The following NCS1 variants were observed in gnomAD, a reference collection of about 807,000 sequenced individuals.
NCS1 encodes the protein frequenin homolog.
In NCS1, 6 loss-of-function variants were observed where a neutral mutation model predicts 28.4. The observed-to-expected ratio is 0.21, with a 90% confidence interval of 0.12 to 0.42. NCS1 has a LOEUF of 0.42. NCS1 is among the 10% of genes least tolerant of loss of function. The pLI is 1.00. For synonymous variants in NCS1, 86 were observed against 99.3 expected (o/e 0.87, Z 0.79); for missense variants, 131 against 241.4 (o/e 0.54, Z 3.03).
rs916722868 is a variant in NCS1, at chr9:130,192,341, G to T, written c.65-8617G>T. On this transcript the variant is annotated intron_variant, in intron 1 of 7. Coordinates refer to ENST00000372398, the MANE Select transcript of NCS1 (RefSeq NM_014286.4). The surrounding 1 kb of genome is among the most constrained non-coding windows in gnomAD (Gnocchi z 4.8). ...GGCTGCCGCCCTTGTCCAAGGTCGA[G>T]GGTTAATGAGTCTGGGGCCCGGCCA... Among the ~76,000 whole-genome samples the T allele has an allele frequency of 1.4e-4, 21 of 152,142 alleles. No individual in the cohort carries two copies. Among genetic ancestry groups the T allele is most frequent in the African/African-American group, 4.1e-4 (17 of 41,428 alleles).
chr9:130,172,702 G>A lies in NCS1; in HGVS notation c.39G>A (p.Val13=). Reference sequence around the variant, plus strand: ...ACAGCAAGTTGAAGCCCGAAGTTGTGGAGGAGCTGACCAGGAAGACCTACT... The same window carrying A: ...ACAGCAAGTTGAAGCCCGAAGTTGTAGAGGAGCTGACCAGGAAGACCTACT... The part of the protein sequence containing the change: ...KSNSKLKPEV[V]EELTRKTYFT... Residue 13 remains valine (V), a synonymous_variant, in exon 1 of 8, where the codon GTG becomes GTA. Transcript: ENST00000372398. The A allele has an allele frequency of 6.6e-7, 1 of 1,519,608 alleles. No individual in the cohort carries two copies. The highest frequency in any genetic ancestry group is 8.9e-7 in the Non-Finnish European group (1 of 1,129,100). 94.1% of individuals were successfully genotyped at this position (1,519,608 alleles called of 1,614,324 possible). A position where few individuals can be genotyped will look rare whatever the true frequency, so the allele number is the denominator to read the frequency against.
intron 1 of NCS1, chr9:130,200,750 C>A: frequency 1.4e-6 from 2 of 1,400,818 alleles, no homozygotes; most frequent in Non-Finnish European, 2.0e-6. Flanking sequence ...AGGGGTGGGG[C>A]CAGTGTCCCC....
At position 130,172,881 on chromosome 9, in the gene NCS1, C is replaced by A. The variant is rs578035720; in HGVS notation, c.64+154C>A. Among the ~76,000 whole-genome samples the A allele has an allele frequency of 8.8e-3, 1,309 of 148,994 alleles. 19 individuals carry two copies. Among genetic ancestry groups the A allele is most frequent in the African/African-American group, 0.03 (1,236 of 40,636 alleles). On this transcript the variant is annotated intron_variant, in intron 1 of 7. Coordinates refer to ENST00000372398, the MANE Select transcript of NCS1 (RefSeq NM_014286.4). ...CTCCAATGTGGACCCCTCGGAGGTT[C>A]CCGGGCCGCGCCCCTGCCCCCCGCC...
At chr9:130,217,370 C>T (rs1554909560) in intron 2 of NCS1, among the ~76,000 whole-genome samples, 1 of 152,190 alleles carries the variant, frequency 6.6e-6, no homozygotes, top group African/African-American at 2.4e-5. Context: ...CACCTGCTGG[C>T]TCCATATGGT....
intron 4 of NCS1, among the ~76,000 whole-genome samples, chr9:130,221,397 T>TAATATTTA (rs1833291137): frequency 4.9e-5 from 3 of 61,224 alleles, no homozygotes; most frequent in African/African-American, 1.9e-4. Context: ...TATATATATA[T>TAATATTTA]ATATATATAT....
chr9:130,226,633 C>A lies in NCS1; in HGVS notation c.*17+129C>A. ...GGTGTTGTGGTCAGCCTAGCAGGGA[C>A]ATAGCTGGGAGGAGGAGGCTGGAAG... On this transcript the variant is annotated intron_variant, in intron 7 of 7. Coordinates refer to ENST00000372398, the MANE Select transcript of NCS1 (RefSeq NM_014286.4). This position sits in a 1 kb window ranked among gnomAD's most constrained non-coding sequence, Gnocchi z 4.8. 1.4e-6 allele frequency: 1 copy of A among 691,286 alleles called. No homozygotes were observed. Among genetic ancestry groups the A allele is most frequent in the Non-Finnish European group, 2.5e-6 (1 of 403,432 alleles). The allele number at this position is 691,286 out of a possible 1,614,324, so 42.8% of individuals were successfully genotyped here.
At chr9:130,220,217 C>T (rs116026796) in intron 4 of NCS1, among the ~76,000 whole-genome samples, 1,725 of 152,274 alleles carry the variant, frequency 0.011, 38 homozygotes, top group African/African-American at 0.039. Context: ...GTGCCGGACC[C>T]ACCTCTTTCA....
chr9:130,173,360 T>G (rs1832516929), intron 1 of NCS1, among the ~76,000 whole-genome samples: 1 of 152,216 alleles, frequency 6.6e-6, no homozygotes, highest in African/African-American at 2.4e-5. Flanking sequence ...CCGGGTCATC[T>G]GGGCCGCGTG....
At chr9:130,227,157 G>A (rs535076605) in intron 7 of NCS1, among the ~76,000 whole-genome samples, 6 of 152,200 alleles carry the variant, frequency 3.9e-5, no homozygotes, top group Admixed American at 6.5e-5. Flanking sequence ...CTGAGCAGCC[G>A]GTTGAAGACC....
rs2131142672 is a variant in NCS1, at chr9:130,209,039, G to C, written c.89+8057G>C. Among the ~76,000 whole-genome samples, 1 of 152,296 alleles carries C rather than the reference G, an allele frequency of 6.6e-6. No individual in the cohort carries two copies. The highest frequency in any genetic ancestry group is 1.9e-4 in the East Asian group (1 of 5,172). Reference sequence around the variant, plus strand: ...AAGGAAGAGGAACCATCTCATGGCTGTTTGGGACCCTCCTCCAGGTCTCCA... The same window carrying C: ...AAGGAAGAGGAACCATCTCATGGCTCTTTGGGACCCTCCTCCAGGTCTCCA... On this transcript the variant is annotated intron_variant, in intron 2 of 7. Coordinates refer to ENST00000372398, the MANE Select transcript of NCS1 (RefSeq NM_014286.4). The surrounding 1 kb of genome is among the most constrained non-coding windows in gnomAD (Gnocchi z 4.4).
intron 1 of NCS1, among the ~76,000 whole-genome samples, chr9:130,173,237 G>T (rs996768681): frequency 1.3e-5 from 2 of 151,234 alleles, no homozygotes; most frequent in Non-Finnish European, 2.9e-5. Context: ...AGCGCTCGTC[G>T]TGCGGTGACG....
At position 130,192,867 on chromosome 9, in the gene NCS1, C is replaced by T. The variant is rs185851627; in HGVS notation, c.65-8091C>T. 2.9e-4 allele frequency among the ~76,000 whole-genome samples: 44 copies of T among 152,280 alleles called. 1 individual carries two copies. Among genetic ancestry groups the T allele is most frequent in the African/African-American group, 1.1e-3 (44 of 41,556 alleles). ...GGGAACCCCACAGGTGTTTCACTCTCTTTTCTGTCCTCCCCACCTCCCAGT... is the reference window on the plus strand; with the variant it reads ...GGGAACCCCACAGGTGTTTCACTCTTTTTTCTGTCCTCCCCACCTCCCAGT... On this transcript the variant is annotated intron_variant, in intron 1 of 7. Coordinates refer to ENST00000372398, the MANE Select transcript of NCS1 (RefSeq NM_014286.4). This position sits in a 1 kb window ranked among gnomAD's most constrained non-coding sequence, Gnocchi z 4.8.
intron 2 of NCS1, among the ~76,000 whole-genome samples, chr9:130,207,909 C>T (rs915914508): frequency 6.6e-6 from 1 of 152,178 alleles, no homozygotes; most frequent in East Asian, 1.9e-4. Context: ...AGCCAGCTTC[C>T]GGGTCTGCAG....
At chr9:130,185,079 C>T (rs953371818) in intron 1 of NCS1, among the ~76,000 whole-genome samples, 1 of 152,176 alleles carries the variant, frequency 6.6e-6, no homozygotes, top group Non-Finnish European at 1.5e-5. Context: ...TCCCACTGGC[C>T]ATGGATGGGA....
chr9:130,178,528 T>A (rs1832607187), intron 1 of NCS1, among the ~76,000 whole-genome samples: 1 of 152,070 alleles, frequency 6.6e-6, no homozygotes, highest in African/African-American at 2.4e-5. Flanking sequence ...GGGCAAGGCA[T>A]GGGCAGTGGA....
Position 130,176,174 on chromosome 9 carries a change from C to T in NCS1, c.64+3447C>T, listed in dbSNP as rs1222184769. ...TCTTTCTTTCTTTCTTTCTTTCTTT[C>T]TTTCTTTCTTTCTTTCTTTCTTTTT... On this transcript the variant is annotated intron_variant, in intron 1 of 7. Transcript: ENST00000372398. 5.1e-3 allele frequency among the ~76,000 whole-genome samples: 324 copies of T among 63,218 alleles called. 3 individuals are homozygous for T. The highest frequency in any genetic ancestry group is 0.029 in the African/African-American group (179 of 6,166). The allele number at this position is 63,218 out of a possible 152,430, so 41.5% of individuals were successfully genotyped here.
chr9:130,212,758 A>C (rs1234051092), intron 2 of NCS1, among the ~76,000 whole-genome samples: 1 of 151,776 alleles, frequency 6.6e-6, no homozygotes, highest in Non-Finnish European at 1.5e-5. Context: ...CCTGGGGACA[A>C]AATTCTTGGG....
chr9:130,196,576 C>G (rs1391735988), intron 1 of NCS1, among the ~76,000 whole-genome samples: 2 of 152,042 alleles, frequency 1.3e-5, no homozygotes, highest in African/African-American at 4.8e-5. Flanking sequence ...CCGTCTCTAC[C>G]AAAAATACGA....
At chr9:130,206,403 C>CTTTTT (rs71387330) in intron 2 of NCS1, among the ~76,000 whole-genome samples, 2 of 116,516 alleles carry the variant, frequency 1.7e-5, no homozygotes, top group African/African-American at 3.3e-5. Flanking sequence ...TTCTTTCTTT[C>CTTTTT]TTTTTTTTTT....
Sources: gnomAD v4.1 joint callset for allele counts (sites outside exome capture counted in the v4.1 genomes callset) on GRCh38, gnomAD v4.1.1 for gene constraint, Gnocchi (gnomAD v3.1) non-coding constraint, MANE v1.5 for transcripts, NCBI Gene and HGNC (gene_info 2026-07-23, HGNC 2026-07-21) for gene names.